The following PCDHGB4 variants were observed in gnomAD, a reference collection of about 807,000 sequenced individuals.
PCDHGB4 encodes the protein protocadherin gamma subfamily B, 4.
A neutral mutation model predicts 60.5 loss-of-function variants in PCDHGB4; 38 were observed. That is an observed-to-expected ratio of 0.63 (90% confidence interval 0.48 to 0.82). PCDHGB4 has a LOEUF of 0.82. Among genes scored for constraint, PCDHGB4 ranks in the 40% least tolerant of loss-of-function variants. The pLI is 0.00. For missense variants in PCDHGB4, 1,109 were observed against 1,209.6 expected (o/e 0.92, Z 1.23); for synonymous variants, 456 against 509.7 (o/e 0.89, Z 1.42).
At chr5:141,394,326 A>G in intron 1 of PCDHGB4, 1 of 1,613,902 alleles carries the variant, frequency 6.2e-7, no homozygotes, top group Non-Finnish European at 8.5e-7. Flanking sequence ...GTCCTCGTAT[A>G]TCTCCATCAA....
intron 1 of PCDHGB4, chr5:141,408,522 A>C: frequency 1.2e-6 from 2 of 1,614,026 alleles, no homozygotes; most frequent in Non-Finnish European, 1.7e-6. Flanking sequence ...TTGCAATTGG[A>C]AGCTGTGGTG....
At chr5:141,456,044 C>T (rs1307913066) in intron 1 of PCDHGB4, among the ~76,000 whole-genome samples, 2 of 151,826 alleles carry the variant, frequency 1.3e-5, no homozygotes, top group African/African-American at 2.4e-5. Context: ...ACTACAGGCG[C>T]CCACCACCAC....
intron 1 of PCDHGB4, chr5:141,422,227 A>G: frequency 6.4e-7 from 1 of 1,566,716 alleles, no homozygotes; most frequent in Non-Finnish European, 8.6e-7. Context: ...CACCACGACG[A>G]TGTTGATCAC....
intron 1 of PCDHGB4, among the ~76,000 whole-genome samples, chr5:141,438,211 A>G (rs767576436): frequency 7.8e-4 from 119 of 152,308 alleles, no homozygotes; most frequent in Admixed American, 2.3e-3. Context: ...CCATATGGGA[A>G]GGGCTCTGGT....
chr5:141,388,539 G>T lies in PCDHGB4; in HGVS notation c.655G>T (p.Ala219Ser), dbSNP rs747974278. 1 of 1,613,740 alleles carries T rather than the reference G, an allele frequency of 6.2e-7. No homozygotes were observed. The change falls in exon 1 of 4, where the codon GCT (alanine) becomes TCT (serine). Residue 219 changes from alanine (A) to serine (S), a missense_variant. By Grantham distance (99) the Ala-to-Ser change is moderately conservative. Transcript: ENST00000519479. ...GACTTTGACTGCCTTGGACTTTGGA[G>T]CTCCACCCCTAAGCAGCACTGCACA... is the stretch of plus-strand genomic sequence containing the variant. ...HLTLTALDFG[A>S]PPLSSTAQIH... is the part of the protein sequence containing the mutation.
Position 141,489,560 on chromosome 5 carries a change from A to G in PCDHGB4, c.2398-5247A>G. On this transcript the variant is annotated intron_variant, in intron 1 of 3. Coordinates refer to ENST00000519479, the MANE Select transcript of PCDHGB4 (RefSeq NM_003736.4). The surrounding 1 kb of genome is among the most constrained non-coding windows in gnomAD (Gnocchi z 4.5). Reference sequence around the variant, plus strand: ...AGCACCAGCTGCCTGCTGCCAGTGCAGGTGGTGACTGAACACCCCCTGGAG... The same window carrying G: ...AGCACCAGCTGCCTGCTGCCAGTGCGGGTGGTGACTGAACACCCCCTGGAG... 1.2e-6 allele frequency: 2 copies of G among 1,614,142 alleles called. No homozygotes were observed. The highest frequency in any genetic ancestry group is 1.7e-6 in the Non-Finnish European group (2 of 1,180,030).
chr5:141,498,230 C>T (rs2099782452), intron 2 of PCDHGB4, among the ~76,000 whole-genome samples: 1 of 152,200 alleles, frequency 6.6e-6, no homozygotes, highest in African/African-American at 2.4e-5. Flanking sequence ...GATGGTCAGG[C>T]ATACCAGCTT....
rs71583649 is a variant in PCDHGB4, at chr5:141,491,361, C to A, written c.2398-3446C>A. On this transcript the variant is annotated intron_variant, in intron 1 of 3. Transcript: ENST00000519479. The surrounding 1 kb of genome is among the most constrained non-coding windows in gnomAD (Gnocchi z 6.9). The stretch of plus-strand genomic sequence containing the variant: ...CGACCGTCAGTCTCTTATCCCTAGT[C>A]ACCTTCACCTTTCTGTCAGCGAAGT... 1.0e-3 allele frequency: 1,614 copies of A among 1,614,132 alleles called. 5 individuals carry two copies. The highest frequency in any genetic ancestry group is 5.1e-3 in the Middle Eastern group (31 of 6,062).
In PCDHGB4 at chr5:141,432,039, G is replaced by A; in HGVS notation, c.2397+41758G>A. 1 of 1,614,176 alleles carries A rather than the reference G, an allele frequency of 6.2e-7. No individual in the cohort carries two copies. The highest frequency in any genetic ancestry group is 8.5e-7 in the Non-Finnish European group (1 of 1,180,028). ...AACATCACAGTGACCGCCACTGACC[G>A]GGGAACCCCGCCCCTATCCACGGAA... On this transcript the variant is annotated intron_variant, in intron 1 of 3. Coordinates refer to ENST00000519479, the MANE Select transcript of PCDHGB4 (RefSeq NM_003736.4). This position sits in a 1 kb window ranked among gnomAD's most constrained non-coding sequence, Gnocchi z 6.0.
At chr5:141,427,599 C>T (rs1233253295) in intron 1 of PCDHGB4, 3 of 682,980 alleles carry the variant, frequency 4.4e-6, no homozygotes, top group South Asian at 3.0e-5. Flanking sequence ...CCTCACCCTA[C>T]GCATTGGTGA....
rs142703691 is a variant in PCDHGB4 at position 141,489,691 on chromosome 5, C to T, written c.2398-5116C>T. On this transcript the variant is annotated intron_variant, in intron 1 of 3. Transcript: ENST00000519479. The surrounding 1 kb of genome is among the most constrained non-coding windows in gnomAD (Gnocchi z 4.5). ...CTCAGAATCAGCAGCATCTGGGGCACGATTCCCACTGGACAGTGCCCAGGA... is the reference window on the plus strand; with the variant it reads ...CTCAGAATCAGCAGCATCTGGGGCATGATTCCCACTGGACAGTGCCCAGGA... 8.1e-6 allele frequency: 13 copies of T among 1,614,164 alleles called. No individual in the cohort carries two copies. The highest frequency in any genetic ancestry group is 3.3e-5 in the South Asian group (3 of 91,080).
At chr5:141,492,952 C>T (rs1428667098) in intron 1 of PCDHGB4, among the ~76,000 whole-genome samples, 1 of 152,242 alleles carries the variant, frequency 6.6e-6, no homozygotes, top group Non-Finnish European at 1.5e-5. Context: ...GGTGACCAAA[C>T]TATCTGACAC....
At chr5:141,398,632 A>G (rs1589336934) in intron 1 of PCDHGB4, 7 of 1,613,946 alleles carry the variant, frequency 4.3e-6, no homozygotes, top group Non-Finnish European at 5.1e-6. Context: ...CTCTCTGCAG[A>G]AGTATAAACT....
chr5:141,423,086 T>TG, intron 1 of PCDHGB4: 1 of 1,613,912 alleles, frequency 6.2e-7, no homozygotes, highest in South Asian at 1.1e-5. Flanking sequence ...CTCTTCGCGG[T>TG]GGGGGAGCAC....
chr5:141,432,435 C>T lies in PCDHGB4; in HGVS notation c.2397+42154C>T. 1 of 1,614,212 alleles carries T rather than the reference C, an allele frequency of 6.2e-7. No homozygotes were observed. Among genetic ancestry groups the T allele is most frequent in the Non-Finnish European group, 8.5e-7 (1 of 1,180,038 alleles). The stretch of plus-strand genomic sequence containing the variant: ...TTCGTGCTGGACCAGAACGACAATG[C>T]GCCCGAGATCCTGTACCCCGCCCTC... On this transcript the variant is annotated intron_variant, in intron 1 of 3. Transcript: ENST00000519479. This position sits in a 1 kb window ranked among gnomAD's most constrained non-coding sequence, Gnocchi z 6.0.
At chr5:141,410,787 T>C in intron 1 of PCDHGB4, 2 of 844,672 alleles carry the variant, frequency 2.4e-6, no homozygotes, top group South Asian at 4.4e-5. Flanking sequence ...TGTATTTGGT[T>C]CATAAGTTGC....
intron 1 of PCDHGB4, chr5:141,402,966 C>G (rs749578447): frequency 6.8e-6 from 11 of 1,605,942 alleles, no homozygotes; most frequent in Non-Finnish European, 8.5e-6. Context: ...GCAGCTCCAA[C>G]CAAATGCCAG....
chr5:141,389,049 C>T lies in PCDHGB4; in HGVS notation c.1165C>T (p.Pro389Ser). The T allele has an allele frequency of 4.3e-6, 7 of 1,613,880 alleles. No individual in the cohort carries two copies. Among genetic ancestry groups the T allele is most frequent in the Non-Finnish European group, 5.9e-6 (7 of 1,179,798 alleles). The change falls in exon 1 of 4, where the codon CCA (proline) becomes TCA (serine). Residue 389 changes from proline to serine, a missense_variant. Pro to Ser is a moderately conservative substitution (Grantham distance 74). This residue lies in a region of PCDHGB4 where 1,068 missense variants were observed against 1,089.9 expected (regional missense o/e 0.98). Transcript: ENST00000519479. Reference protein sequence around the residue: ...EVTCKLEGDVPFKILTSSRNT... With the variant: ...EVTCKLEGDVSFKILTSSRNT... The stretch of plus-strand genomic sequence containing the variant: ...GACTTGTAAATTGGAAGGTGATGTT[C>T]CATTTAAAATATTAACTTCTTCAAG...
In PCDHGB4 at chr5:141,388,082, G is replaced by A. The variant is rs2091230905; in HGVS notation, c.198G>A (p.Leu66=). The A allele has an allele frequency of 2.9e-6, 4 of 1,367,298 alleles. No homozygotes were observed. Among genetic ancestry groups the A allele is most frequent in the Non-Finnish European group, 4.0e-6 (4 of 993,564 alleles). 84.7% of individuals were successfully genotyped at this position (1,367,298 alleles called of 1,614,324 possible). A position where few individuals can be genotyped will look rare whatever the true frequency, so the allele number is the denominator to read the frequency against. ...TCCAGGAGTTACCGACTCGAAAACT[G>A]CGCGTCAGTTCGGAGAAGCCTTACT... ...FSVQELPTRK[L]RVSSEKPYFT... Residue 66 remains leucine, a synonymous_variant, in exon 1 of 4, where the codon CTG becomes CTA. Transcript: ENST00000519479.
Sources: gnomAD v4.1 joint callset for allele counts (sites outside exome capture counted in the v4.1 genomes callset) on GRCh38, gnomAD v4.1.1 for gene constraint, gnomAD v4.1.1 regional missense constraint, Gnocchi (gnomAD v3.1) non-coding constraint, MANE v1.5 for transcripts, NCBI Gene and HGNC (gene_info 2026-07-23, HGNC 2026-07-21) for gene names.